Variants in DDX60L observed in about 807,000 individuals in gnomAD.
DDX60L encodes probable ATP-dependent RNA helicase DDX60-like.
A neutral mutation model predicts 211.6 loss-of-function variants in DDX60L; 191 were observed. The observed-to-expected ratio is 0.90, with a 90% CI of 0.80 to 1.02. The LOEUF (loss-of-function observed/expected upper bound fraction) is 1.02, where lower values mean the gene tolerates loss of function less well. DDX60L is among the 50% of genes least tolerant of loss of function. The pLI is 0.00. For missense variants in DDX60L, 2,007 were observed against 1,984.1 expected, an observed-to-expected ratio of 1.01 and a Z score of -0.22; for synonymous variants, 706 against 694.1, an observed-to-expected ratio of 1.02 and a Z score of -0.27.
intron 29 of DDX60L, among the ~76,000 whole-genome samples, chr4:168,387,024 C>T (rs140871828): frequency 8.0e-4 from 122 of 152,174 alleles, no homozygotes; most frequent in Non-Finnish European, 1.3e-3. Flanking sequence ...TGAAGAAAAA[C>T]GATGCTATCC....
chr4:168,394,250 A>G (rs1004835916), intron 28 of DDX60L, among the ~76,000 whole-genome samples: 2 of 152,208 alleles, frequency 1.3e-5, no homozygotes, highest in East Asian at 3.9e-4. Flanking sequence ...TACCACAGCT[A>G]TACTACTCCA....
Position 168,468,865 on chromosome 4 carries a change from G to A in DDX60L, c.264+2882C>T, listed in dbSNP as rs576103632. The A allele has an allele frequency of 6.0e-4, 92 of 152,074 alleles. 1 individual carries two copies. The highest frequency in any genetic ancestry group is 2.7e-3 in the South Asian group (13 of 4,822). The allele number at this position is 152,074 out of a possible 1,614,324, so 9.4% of individuals were successfully genotyped here. On this transcript the variant is annotated intron_variant, in intron 4 of 37. Transcript: ENST00000682922. The stretch of plus-strand genomic sequence containing the variant: ...AATTATTTTTAAAAATTCAATTTAC[G>A]GTAAGATCAAAACATGAAATATCTT...
intron 3 of DDX60L, among the ~76,000 whole-genome samples, chr4:168,472,160 A>C (rs1473367093): frequency 6.6e-6 from 1 of 152,262 alleles, no homozygotes; most frequent in Admixed American, 6.5e-5. Context: ...AAAGGAAATT[A>C]TCCAATGCTA....
intron 28 of DDX60L, among the ~76,000 whole-genome samples, chr4:168,392,086 A>G (rs1046879441): frequency 1.3e-5 from 2 of 152,208 alleles, no homozygotes; most frequent in Non-Finnish European, 2.9e-5. Flanking sequence ...TATGTGTCCA[A>G]TAACTGCATG....
In DDX60L at chr4:168,448,777, G is replaced by T. The variant is rs1465322582; in HGVS notation, c.999C>A (p.Asn333Lys). The change falls in exon 9 of 38, where the codon AAC (asparagine) becomes AAA (lysine). Residue 333 changes from asparagine (N) to lysine (K), a missense_variant and splice_region_variant. Coordinates refer to ENST00000682922, the MANE Select transcript of DDX60L (RefSeq NM_001012967.3). ...TTAAAATGAAATATTCACACCACTTGTTCTGAAAATTAAAAATAAAACATT... is the reference window on the plus strand; with the variant it reads ...TTAAAATGAAATATTCACACCACTTTTTCTGAAAATTAAAAATAAAACATT... ...IRNSDSFLKM[N>K]KWCEYFILSN... The T allele has an allele frequency of 6.3e-7, 1 of 1,595,234 alleles. No individual in the cohort carries two copies. Among genetic ancestry groups the T allele is most frequent in the Non-Finnish European group, 8.5e-7 (1 of 1,171,420 alleles).
intron 29 of DDX60L, 111 bp downstream of exon 29, chr4:168,391,429 A>C (rs1744797660): frequency 1.4e-6 from 1 of 710,150 alleles, no homozygotes; most frequent in African/African-American, 1.8e-5. Flanking sequence ...TGCCACATAG[A>C]AAGTAAAAGG....
intron 1 of DDX60L, among the ~76,000 whole-genome samples, chr4:168,473,121 A>C (rs1379439313): frequency 6.6e-6 from 1 of 152,234 alleles, no homozygotes; most frequent in Non-Finnish European, 1.5e-5. Flanking sequence ...CCTGTGACAG[A>C]GGACAGTATG....
intron 36 of DDX60L, among the ~76,000 whole-genome samples, chr4:168,366,036 G>A (rs1255328178): frequency 6.6e-6 from 1 of 152,000 alleles, no homozygotes; most frequent in East Asian, 1.9e-4. Flanking sequence ...CACAATAAAA[G>A]CCATATATGA....
At chr4:168,387,809 A>G (rs74560315) in intron 29 of DDX60L, among the ~76,000 whole-genome samples, 1,686 of 152,320 alleles carry the variant, frequency 0.011, 12 homozygotes, top group Middle Eastern at 0.02. Context: ...GGAAATGTTT[A>G]TTAAGGACCT....
chr4:168,416,630 A>T, intron 20 of DDX60L, 52 bp downstream of exon 20: 1 of 1,102,622 alleles, frequency 9.1e-7, no homozygotes, highest in Non-Finnish European at 1.3e-6. Flanking sequence ...TATAGACAGT[A>T]TATAATTCAA....
chr4:168,421,965 CACAG>C (rs1210551184), intron 16 of DDX60L, 56 bp from the exon 17 acceptor site: 7 of 1,608,228 alleles, frequency 4.4e-6, no homozygotes, highest in Non-Finnish European at 6.0e-6. Context: ...GTTACCAAAA[CACAG>C]ACAGTATCCT....
chr4:168,364,448 T>C (rs1484762494), intron 36 of DDX60L, among the ~76,000 whole-genome samples: 1 of 152,204 alleles, frequency 6.6e-6, no homozygotes, highest in African/African-American at 2.4e-5. Context: ...ATAATAATAT[T>C]AGGGACTTCA....
At chr4:168,400,221 A>G (rs947796300) in intron 26 of DDX60L, among the ~76,000 whole-genome samples, 1 of 152,158 alleles carries the variant, frequency 6.6e-6, no homozygotes, top group Non-Finnish European at 1.5e-5. Flanking sequence ...GCTGCATAGT[A>G]TTCCTTGGTG....
intron 25 of DDX60L, 73 bp from the exon 26 acceptor site, chr4:168,401,051 T>C: frequency 1.5e-6 from 2 of 1,377,610 alleles, no homozygotes; most frequent in East Asian, 4.6e-5. Context: ...AATAAAATTA[T>C]AAGGCCCCTC....
intron 9 of DDX60L, among the ~76,000 whole-genome samples, chr4:168,442,389 T>C (rs1383661377): frequency 4.0e-4 from 61 of 151,146 alleles, no homozygotes; most frequent in African/African-American, 1.4e-3. Flanking sequence ...AGCACAGCAG[T>C]CTGAGATCAA....
At chr4:168,464,562 A>G (rs140940960) in intron 4 of DDX60L, among the ~76,000 whole-genome samples, 90 of 151,834 alleles carry the variant, frequency 5.9e-4, no homozygotes, top group Non-Finnish European at 1.2e-3. Context: ...ACACATGTGA[A>G]CCACCTCACC....
At chr4:168,479,109 T>C (rs1188484368) in intron 1 of DDX60L, among the ~76,000 whole-genome samples, 1 of 148,364 alleles carries the variant, frequency 6.7e-6, no homozygotes, top group African/African-American at 2.6e-5. Context: ...GGACGGATGG[T>C]TGGATGGCTG....
chr4:168,437,855 TG>T (rs1187629127), intron 10 of DDX60L, among the ~76,000 whole-genome samples: 2 of 52,878 alleles, frequency 3.8e-5, no homozygotes, highest in African/African-American at 6.0e-5. Context: ...GCTGACTCCA[TG>T]GGGTTTTTTT....
chr4:168,358,361 T>C lies in DDX60L; in HGVS notation c.4992-85A>G, dbSNP rs907779110. 6.9e-6 allele frequency: 7 copies of C among 1,009,350 alleles called. No individual in the cohort carries two copies. In the South Asian group the frequency reaches 8.3e-5, roughly 12 times the overall value. The allele number at this position is 1,009,350 out of a possible 1,614,324, so 62.5% of individuals were successfully genotyped here. A position where few individuals can be genotyped will look rare whatever the true frequency, so the allele number is the denominator to read the frequency against. ...ATTATTAAAAGGTTAGCAGAAGTAATTCCCCCCAAAATCTATCAGATGTAA... is the reference window on the plus strand; with the variant it reads ...ATTATTAAAAGGTTAGCAGAAGTAACTCCCCCCAAAATCTATCAGATGTAA... On this transcript the variant is annotated intron_variant, in intron 37 of 37. Transcript: ENST00000682922.
Sources: gnomAD v4.1 joint callset for allele counts (sites outside exome capture counted in the v4.1 genomes callset) on GRCh38, gnomAD v4.1.1 for gene constraint, MANE v1.5 for transcripts, NCBI Gene and HGNC (gene_info 2026-07-23, HGNC 2026-07-21) for gene names.